The following PPM1L variants were observed in gnomAD, a reference collection of about 807,000 sequenced individuals.
The protein encoded by PPM1L is protein phosphatase 1L.
A neutral mutation model predicts 31.4 loss-of-function variants in PPM1L; 13 were observed. The ratio of observed to expected loss-of-function variants is 0.41; its 90% CI spans 0.27 to 0.66. The LOEUF is 0.66. PPM1L is among the 30% of genes least tolerant of loss of function. The pLI is 0.29. For synonymous variants in PPM1L, 184 were observed against 175.4 expected (o/e 1.05, Z -0.39); for missense variants, 326 against 453.7 (o/e 0.72, Z 2.56).
chr3:160,867,434 C>T (rs1233238001), intron 1 of PPM1L, among the ~76,000 whole-genome samples: 1 of 145,626 alleles, frequency 6.9e-6, no homozygotes, highest in Non-Finnish European at 1.5e-5. Flanking sequence ...CATCTGGGTT[C>T]TCTAACCCCC....
chr3:160,858,384 T>C (rs1711790128), intron 1 of PPM1L, among the ~76,000 whole-genome samples: 1 of 152,124 alleles, frequency 6.6e-6, no homozygotes, highest in African/African-American at 2.4e-5. Flanking sequence ...GTAGCTAGGA[T>C]TGCAGGAGCC....
Position 160,756,253 on chromosome 3 carries a change from C to CG in PPM1L, c.-54dup. 1 of 1,557,198 alleles carries CG rather than the reference C, an allele frequency of 6.4e-7. No homozygotes were observed. Among genetic ancestry groups the CG allele is most frequent in the African/African-American group, 1.4e-5 (1 of 74,072 alleles). ...GCTGTCCCCGCAGTGCTCCCGGACC[C>CG]GGCGAGCCTTCGGGGCGCGCGTCGC... is the stretch of plus-strand genomic sequence containing the variant. On this transcript the variant is annotated 5_prime_UTR_variant, in exon 1 of 4. Coordinates refer to ENST00000498165, the MANE Select transcript of PPM1L (RefSeq NM_139245.4). This position sits in a 1 kb window ranked among gnomAD's most constrained non-coding sequence, Gnocchi z 6.2.
chr3:160,818,844 GAT>G (rs901337403), intron 1 of PPM1L, among the ~76,000 whole-genome samples: 1 of 151,662 alleles, frequency 6.6e-6, no homozygotes, highest in African/African-American at 2.4e-5. Flanking sequence ...ATTTCTTTTT[GAT>G]ATGTTTTGGG....
chr3:160,971,510 T>G (rs1001502020), intron 2 of PPM1L, among the ~76,000 whole-genome samples: 1 of 152,158 alleles, frequency 6.6e-6, no homozygotes, highest in Non-Finnish European at 1.5e-5. Flanking sequence ...GTAGTGGAAT[T>G]GGTGTTATAG....
chr3:161,068,944 C>A lies in PPM1L; in HGVS notation c.870C>A (p.Asp290Glu). ...CAGACATCCTGACCTTTGACCTGGA[C>A]AAGCTTCAGCCTGAGTTCATGATCT... is the stretch of plus-strand genomic sequence containing the variant. Reference protein sequence around the residue: ...PDPDILTFDLDKLQPEFMILA... With the variant: ...PDPDILTFDLEKLQPEFMILA... The change falls in exon 4 of 4, where the codon GAC (aspartate) becomes GAA (glutamate). Residue 290 changes from aspartate (D) to glutamate (E), a missense_variant. By Grantham distance (45) the Asp-to-Glu change is conservative. Transcript: ENST00000498165. 6.8e-6 allele frequency: 11 copies of A among 1,614,184 alleles called. No homozygotes were observed. The highest frequency in any genetic ancestry group is 9.3e-6 in the Non-Finnish European group (11 of 1,180,030).
intron 2 of PPM1L, among the ~76,000 whole-genome samples, chr3:161,002,549 A>G (rs1717534035): frequency 6.6e-6 from 1 of 150,660 alleles, no homozygotes; most frequent in Non-Finnish European, 1.5e-5. Flanking sequence ...GTGAGATGGT[A>G]TCTCACTGTG....
rs1720190276 is a variant in PPM1L, at chr3:161,078,801, A to C, written c.*9644A>C. The C allele has an allele frequency of 2.0e-5, 3 of 152,208 alleles. No individual in the cohort carries two copies. The highest frequency in any genetic ancestry group is 4.4e-5 in the Non-Finnish European group (3 of 68,040). The allele number at this position is 152,208 out of a possible 1,614,324, so 9.4% of individuals were successfully genotyped here. ...TAGCCTTGTAGAGACTAATGTGTTCATGCTATCTCTGATCCTGTGGTGTTG... is the reference window on the plus strand; with the variant it reads ...TAGCCTTGTAGAGACTAATGTGTTCCTGCTATCTCTGATCCTGTGGTGTTG... On this transcript the variant is annotated 3_prime_UTR_variant, in exon 4 of 4. Coordinates refer to ENST00000498165, the MANE Select transcript of PPM1L (RefSeq NM_139245.4).
At position 161,070,742 on chromosome 3, in the gene PPM1L, A is replaced by T. The variant is rs1464340982; in HGVS notation, c.*1585A>T. 2 of 151,870 alleles carry T rather than the reference A, an allele frequency of 1.3e-5. No homozygotes were observed. Among genetic ancestry groups the T allele is most frequent in the Non-Finnish European group, 2.9e-5 (2 of 68,036 alleles). The allele number at this position is 151,870 out of a possible 1,614,324, so 9.4% of individuals were successfully genotyped here. A position where few individuals can be genotyped will look rare whatever the true frequency, so the allele number is the denominator to read the frequency against. ...TTCCCATATGCCACATTCACCGGCC[A>T]CCTCCTCGCCGTGGAACCCTGCCCT... On this transcript the variant is annotated 3_prime_UTR_variant, in exon 4 of 4. Transcript: ENST00000498165.
intron 2 of PPM1L, chr3:161,036,055 G>T (rs999512317): frequency 3.3e-5 from 5 of 152,116 alleles, no homozygotes; most frequent in African/African-American, 4.8e-5. Context: ...GAAAAGATCA[G>T]ACTCTGCTTT....
intron 1 of PPM1L, among the ~76,000 whole-genome samples, chr3:160,885,985 A>G (rs914038853): frequency 6.6e-6 from 1 of 152,166 alleles, no homozygotes; most frequent in African/African-American, 2.4e-5. Context: ...ATTCATCTCT[A>G]TAGCTCCAGG....
intron 1 of PPM1L, among the ~76,000 whole-genome samples, chr3:160,910,524 C>T (rs1426895046): frequency 6.6e-6 from 1 of 152,046 alleles, no homozygotes; most frequent in Non-Finnish European, 1.5e-5. Context: ...GTTGACCAGC[C>T]TCAAGTGAAC....
At chr3:160,933,152 G>C (rs1434144783) in intron 1 of PPM1L, among the ~76,000 whole-genome samples, 2 of 152,166 alleles carry the variant, frequency 1.3e-5, no homozygotes, top group African/African-American at 2.4e-5. Flanking sequence ...TAATTTCTTA[G>C]ATAAAATTGC....
chr3:161,062,146 A>C (rs548018918), intron 2 of PPM1L, among the ~76,000 whole-genome samples: 2 of 141,696 alleles, frequency 1.4e-5, no homozygotes, highest in Non-Finnish European at 3.0e-5. Flanking sequence ...GTGGGGGGGG[A>C]AAAAAAAAAG....
At chr3:160,954,948 C>T (rs1488089075) in intron 1 of PPM1L, among the ~76,000 whole-genome samples, 1 of 55,166 alleles carries the variant, frequency 1.8e-5, no homozygotes, top group African/African-American at 6.8e-5. Flanking sequence ...TCCTTCCTTC[C>T]TTCCTTCCTT....
intron 2 of PPM1L, among the ~76,000 whole-genome samples, chr3:161,047,524 T>G (rs367598213): frequency 6.6e-6 from 1 of 152,182 alleles, no homozygotes; most frequent in African/African-American, 2.4e-5. Context: ...AGGTAATTTA[T>G]AGATTCAATG....
At chr3:160,966,023 A>G (rs1272678527) in intron 2 of PPM1L, among the ~76,000 whole-genome samples, 1 of 151,948 alleles carries the variant, frequency 6.6e-6, no homozygotes, top group East Asian at 1.9e-4. Flanking sequence ...TTTAATACAT[A>G]TATACCTTAA....
At chr3:160,813,713 C>T (rs1214783543) in intron 1 of PPM1L, among the ~76,000 whole-genome samples, 2 of 152,196 alleles carry the variant, frequency 1.3e-5, no homozygotes, top group South Asian at 2.1e-4. Context: ...ATAATCCTCT[C>T]ATACTTCTAT....
Position 161,022,179 on chromosome 3 carries a change from G to A in PPM1L, c.575-43224G>A. 4.4e-6 allele frequency: 3 copies of A among 674,276 alleles called. No homozygotes were observed. The East Asian group carries it at 8.3e-5, about 19-fold the overall frequency. 41.8% of individuals were successfully genotyped at this position (674,276 alleles called of 1,614,324 possible). ...GTTACTTTTTGAATGACTGCTTGGA[G>A]ACTGCAAGTAACACCTTAGCTTCAA... is the stretch of plus-strand genomic sequence containing the variant. On this transcript the variant is annotated intron_variant, in intron 2 of 3. Coordinates refer to ENST00000498165, the MANE Select transcript of PPM1L (RefSeq NM_139245.4).
chr3:161,015,882 G>T (rs979812508), intron 2 of PPM1L, among the ~76,000 whole-genome samples: 1 of 152,140 alleles, frequency 6.6e-6, no homozygotes. Context: ...TCTGACTCTA[G>T]TGTTTGCTTT....
Sources: allele counts gnomAD v4.1 joint callset (sites outside exome capture counted in the v4.1 genomes callset), GRCh38; gene constraint gnomAD v4.1.1; non-coding constraint Gnocchi (gnomAD v3.1); transcripts MANE v1.5; gene names NCBI Gene and HGNC (gene_info 2026-07-23, HGNC 2026-07-21).